Variants in IL1RAP observed in about 807,000 individuals in gnomAD.
IL1RAP encodes the protein interleukin 1 receptor accessory protein.
IL1RAP carries 35 observed loss-of-function variants against 60.7 expected under a neutral mutation model. The observed-to-expected ratio is 0.58, with a 90% CI of 0.44 to 0.76. The LOEUF is 0.76. IL1RAP is among the 30% of genes least tolerant of loss of function. IL1RAP has a pLI of 0.00. For missense variants in IL1RAP, 572 were observed against 693.9 expected, an observed-to-expected ratio of 0.82 and a Z score of 1.97; for synonymous variants, 268 against 250.9, an observed-to-expected ratio of 1.07 and a Z score of -0.64.
At chr3:190,631,335 C>T (rs1732771483) in intron 9 of IL1RAP, among the ~76,000 whole-genome samples, 1 of 152,122 alleles carries the variant, frequency 6.6e-6, no homozygotes, top group Non-Finnish European at 1.5e-5. Flanking sequence ...ACAAGTTTGC[C>T]TCCCAGAGCG....
At chr3:190,516,642 A>C (rs1442492352) in intron 1 of IL1RAP, among the ~76,000 whole-genome samples, 2 of 152,194 alleles carry the variant, frequency 1.3e-5, no homozygotes, top group Non-Finnish European at 2.9e-5. Flanking sequence ...CTTGATTTCA[A>C]ATTCCAGCTC....
chr3:190,645,065 G>C (rs1577819789), intron 10 of IL1RAP, among the ~76,000 whole-genome samples: 1 of 152,164 alleles, frequency 6.6e-6, no homozygotes. Flanking sequence ...TCATGTGTAC[G>C]TTAACATCTG....
intron 3 of IL1RAP, among the ~76,000 whole-genome samples, chr3:190,588,584 GT>G (rs1560193285): frequency 6.6e-6 from 1 of 152,206 alleles, no homozygotes; most frequent in Non-Finnish European, 1.5e-5. Flanking sequence ...TGTGTGTGTA[GT>G]TGTAGTTGTA....
intron 5 of IL1RAP, among the ~76,000 whole-genome samples, chr3:190,617,696 G>A (rs1460970151): frequency 6.6e-6 from 1 of 151,968 alleles, no homozygotes; most frequent in Non-Finnish European, 1.5e-5. Flanking sequence ...AACATTTTCA[G>A]GTTTTATTTT....
chr3:190,592,957 C>T (rs1729070239), intron 3 of IL1RAP, among the ~76,000 whole-genome samples: 1 of 151,982 alleles, frequency 6.6e-6, no homozygotes, highest in African/African-American at 2.4e-5. Flanking sequence ...GTCTTTAGGG[C>T]AGTGTAAATA....
At chr3:190,531,480 A>G (rs1406957857) in intron 1 of IL1RAP, among the ~76,000 whole-genome samples, 2 of 151,940 alleles carry the variant, frequency 1.3e-5, no homozygotes, top group Non-Finnish European at 2.9e-5. Flanking sequence ...ACCTGAGTGG[A>G]TACCTTAACA....
chr3:190,630,219 T>C (rs529400351), intron 9 of IL1RAP: 100 of 784,906 alleles, frequency 1.3e-4, no homozygotes, highest in Non-Finnish European at 1.5e-4. Context: ...TCTATGTTGA[T>C]AGTACTATAT....
intron 3 of IL1RAP, among the ~76,000 whole-genome samples, chr3:190,592,083 G>A (rs763830232): frequency 3.3e-5 from 5 of 152,144 alleles, no homozygotes; most frequent in East Asian, 1.9e-4. Flanking sequence ...GCAGTGGTGC[G>A]ATCTCGGCTC....
At chr3:190,586,124 C>T (rs142100908) in intron 3 of IL1RAP, among the ~76,000 whole-genome samples, 1 of 152,168 alleles carries the variant, frequency 6.6e-6, no homozygotes, top group African/African-American at 2.4e-5. Flanking sequence ...ATGAGTGTCA[C>T]CCATCTTGAA....
chr3:190,600,806 G>A (rs996856802), intron 3 of IL1RAP, among the ~76,000 whole-genome samples: 3 of 152,068 alleles, frequency 2.0e-5, no homozygotes, highest in Non-Finnish European at 4.4e-5. Context: ...TAATTCCTGG[G>A]TCTTTTCAGC....
chr3:190,576,899 G>A (rs902639944), intron 3 of IL1RAP, among the ~76,000 whole-genome samples: 1 of 151,766 alleles, frequency 6.6e-6, no homozygotes, highest in Non-Finnish European at 1.5e-5. Context: ...GGATCACGAG[G>A]TCAGGAGATC....
At chr3:190,632,076 T>TAC (rs1175861458) in intron 9 of IL1RAP, among the ~76,000 whole-genome samples, 2 of 152,158 alleles carry the variant, frequency 1.3e-5, no homozygotes, top group East Asian at 3.9e-4. Context: ...GTGCTGGGAT[T>TAC]ACAGGTGTGA....
rs940918153 is a variant in IL1RAP at position 190,562,113 on chromosome 3, C to T, written c.-1-2176C>T. On this transcript the variant is annotated intron_variant, in intron 2 of 11. Coordinates refer to ENST00000447382, the MANE Select transcript of IL1RAP (RefSeq NM_002182.4). The stretch of plus-strand genomic sequence containing the variant: ...TCTAAAACCTTGTGCTTGAGCAAAA[C>T]TCAGTTCTTTATATACTATTTTCCA... 2.0e-5 allele frequency among the ~76,000 whole-genome samples: 3 copies of T among 152,184 alleles called. No individual in the cohort carries two copies. The South Asian group carries it at 6.2e-4, about 31-fold the overall frequency.
At chr3:190,515,666 C>T (rs1721448669) in intron 1 of IL1RAP, among the ~76,000 whole-genome samples, 1 of 151,972 alleles carries the variant, frequency 6.6e-6, no homozygotes, top group African/African-American at 2.4e-5. Flanking sequence ...TGATCTGAGA[C>T]ATCCTTTATT....
intron 2 of IL1RAP, 117 bp from the exon 3 acceptor site, chr3:190,564,172 G>C: frequency 1.5e-6 from 1 of 649,880 alleles, no homozygotes; most frequent in Non-Finnish European, 2.8e-6. Flanking sequence ...TGTTAATATT[G>C]TAAAATTCTT....
intron 11 of IL1RAP, among the ~76,000 whole-genome samples, chr3:190,647,781 G>C (rs899990201): frequency 3.9e-5 from 6 of 152,222 alleles, no homozygotes; most frequent in African/African-American, 1.4e-4. Flanking sequence ...TAGAGTCAGA[G>C]AGGTATCCAA....
intron 3 of IL1RAP, among the ~76,000 whole-genome samples, chr3:190,566,149 A>G (rs1328221440): frequency 2.0e-5 from 3 of 152,002 alleles, no homozygotes; most frequent in African/African-American, 7.3e-5. Flanking sequence ...TTGTTCAGGA[A>G]CTTTTGTTTG....
intron 1 of IL1RAP, among the ~76,000 whole-genome samples, chr3:190,553,019 T>A (rs539339707): frequency 6.6e-6 from 1 of 152,232 alleles, no homozygotes; most frequent in East Asian, 1.9e-4. Context: ...TCCAATGCAG[T>A]TTGTGGAGGG....
intron 3 of IL1RAP, among the ~76,000 whole-genome samples, chr3:190,602,752 A>G (rs988651873): frequency 1.3e-5 from 2 of 152,192 alleles, no homozygotes; most frequent in Non-Finnish European, 2.9e-5. Flanking sequence ...ATCCTTTCCA[A>G]TTATACTTGG....
Sources: gnomAD v4.1 joint callset for allele counts (sites outside exome capture counted in the v4.1 genomes callset) on GRCh38, gnomAD v4.1.1 for gene constraint, MANE v1.5 for transcripts, NCBI Gene and HGNC (gene_info 2026-07-23, HGNC 2026-07-21) for gene names.